The following SLC9A4 variants were observed in gnomAD, a reference collection of about 807,000 sequenced individuals.
SLC9A4 encodes sodium/hydrogen exchanger 4.
Under a neutral mutation model 67.4 loss-of-function variants are expected in SLC9A4, and 63 were observed. The observed-to-expected ratio is 0.93, with a 90% CI of 0.76 to 1.15. SLC9A4 has a LOEUF of 1.15. Among genes scored for constraint, SLC9A4 ranks in the 50% most tolerant of loss-of-function variants. SLC9A4 has a pLI of 0.00. For synonymous variants in SLC9A4, 393 were observed against 367.2 expected, an observed-to-expected ratio of 1.07 and a Z score of -0.80; for missense variants, 1,089 against 987.7, an observed-to-expected ratio of 1.10 and a Z score of -1.38.
chr2:102,496,374 G>A (rs1199954927), intron 2 of SLC9A4, among the ~76,000 whole-genome samples: 1 of 152,184 alleles, frequency 6.6e-6, no homozygotes, highest in African/African-American at 2.4e-5. Context: ...ATCAAGTGCT[G>A]ACAAGGATAT....
intron 1 of SLC9A4, among the ~76,000 whole-genome samples, chr2:102,478,128 C>T (rs1684371611): frequency 6.6e-6 from 1 of 152,154 alleles, no homozygotes; most frequent in African/African-American, 2.4e-5. Context: ...GTAGAAAAAT[C>T]ATCTGGCAGT....
chr2:102,483,176 T>C (rs1334605194), intron 2 of SLC9A4, among the ~76,000 whole-genome samples: 2 of 152,198 alleles, frequency 1.3e-5, no homozygotes, highest in African/African-American at 4.8e-5. Flanking sequence ...TGCTGTTGCG[T>C]TGGCTCCGTG....
intron 9 of SLC9A4, among the ~76,000 whole-genome samples, chr2:102,523,678 G>A (rs1674596884): frequency 6.6e-6 from 1 of 152,196 alleles, no homozygotes; most frequent in Non-Finnish European, 1.5e-5. Flanking sequence ...CTCCTTGGCA[G>A]GCTGCCTGTG....
At chr2:102,500,418 C>A (rs185419306) in intron 2 of SLC9A4, among the ~76,000 whole-genome samples, 1 of 152,290 alleles carries the variant, frequency 6.6e-6, no homozygotes, top group Admixed American at 6.5e-5. Flanking sequence ...GCTTGTGGTA[C>A]TTTGTCACAG....
intron 2 of SLC9A4, among the ~76,000 whole-genome samples, chr2:102,497,906 T>A (rs1342268488): frequency 1.3e-5 from 2 of 152,226 alleles, no homozygotes; most frequent in Non-Finnish European, 2.9e-5. Flanking sequence ...AGGACTAATG[T>A]TTTTAGTCAT....
At chr2:102,526,410 T>A in intron 11 of SLC9A4, 64 bp downstream of exon 11, 1 of 1,505,746 alleles carries the variant, frequency 6.6e-7, no homozygotes, top group Non-Finnish European at 9.2e-7. Flanking sequence ...TATCTGGGGG[T>A]GTGGGCCAAG....
chr2:102,483,837 T>TAC (rs1361861820), intron 2 of SLC9A4, among the ~76,000 whole-genome samples: 3,972 of 120,620 alleles, frequency 0.033, 52 homozygotes, highest in Non-Finnish European at 0.043. Flanking sequence ...TATATATATA[T>TAC]ATATACACAC....
At chr2:102,495,751 C>T (rs1684794259) in intron 2 of SLC9A4, among the ~76,000 whole-genome samples, 1 of 151,980 alleles carries the variant, frequency 6.6e-6, no homozygotes, top group African/African-American at 2.4e-5. Context: ...AGAACTAAGG[C>T]AATTCAATGG....
intron 2 of SLC9A4, among the ~76,000 whole-genome samples, chr2:102,479,851 T>C (rs917661510): frequency 2.6e-5 from 4 of 152,110 alleles, no homozygotes; most frequent in East Asian, 1.9e-4. Flanking sequence ...GAATGAGGCG[T>C]TTTTGCTTAT....
intron 2 of SLC9A4, among the ~76,000 whole-genome samples, chr2:102,499,606 T>C (rs1684881642): frequency 2.0e-5 from 3 of 152,192 alleles, no homozygotes; most frequent in Non-Finnish European, 2.9e-5. Flanking sequence ...CTGTATGTTG[T>C]GTGTGTACTT....
At chr2:102,489,155 T>A (rs771521882) in intron 2 of SLC9A4, among the ~76,000 whole-genome samples, 1 of 152,204 alleles carries the variant, frequency 6.6e-6, no homozygotes, top group Non-Finnish European at 1.5e-5. Context: ...GCAGGTGAAC[T>A]GACACTAGAT....
intron 6 of SLC9A4, among the ~76,000 whole-genome samples, chr2:102,510,383 CA>C (rs1304943138): frequency 1.3e-5 from 2 of 152,094 alleles, no homozygotes; most frequent in African/African-American, 4.8e-5. Context: ...ATCCAGGGGA[CA>C]GGCCATCCAG....
chr2:102,528,070 C>T (rs769061593), intron 11 of SLC9A4, among the ~76,000 whole-genome samples: 34 of 152,070 alleles, frequency 2.2e-4, no homozygotes, highest in African/African-American at 6.0e-4. Context: ...TGCAGTGGAG[C>T]GATCTTGGCT....
At chr2:102,503,311 G>A in intron 2 of SLC9A4, 137 bp from the exon 3 acceptor site, 1 of 802,134 alleles carries the variant, frequency 1.2e-6, no homozygotes, top group Admixed American at 3.0e-5. Context: ...CAGTTAAAAG[G>A]CAGTCATCTT....
intron 9 of SLC9A4, among the ~76,000 whole-genome samples, chr2:102,521,564 AC>A (rs1225045548): frequency 6.6e-6 from 1 of 152,060 alleles, no homozygotes; most frequent in African/African-American, 2.4e-5. Flanking sequence ...CACCAGTCCT[AC>A]CCCTTCCCGT....
At chr2:102,510,282 TATAG>T (rs1266768463) in intron 6 of SLC9A4, among the ~76,000 whole-genome samples, 2 of 151,906 alleles carry the variant, frequency 1.3e-5, no homozygotes, top group Non-Finnish European at 2.9e-5. Context: ...CAGATATAGA[TATAG>T]ATATAGATAT....
At chr2:102,485,669 G>T (rs970102509) in intron 2 of SLC9A4, among the ~76,000 whole-genome samples, 7 of 152,214 alleles carry the variant, frequency 4.6e-5, no homozygotes, top group Admixed American at 1.3e-4. Context: ...GCAGCAGGAA[G>T]AGTGAATAAT....
At chr2:102,488,885 C>T (rs555177973) in intron 2 of SLC9A4, among the ~76,000 whole-genome samples, 3 of 152,266 alleles carry the variant, frequency 2.0e-5, no homozygotes, top group Admixed American at 6.5e-5. Context: ...TAAGTTCAGT[C>T]GTGTCTGGTG....
chr2:102,479,785 G>C (rs1309692728), intron 2 of SLC9A4, among the ~76,000 whole-genome samples: 1 of 152,186 alleles, frequency 6.6e-6, no homozygotes, highest in Non-Finnish European at 1.5e-5. Flanking sequence ...CAACAGATTT[G>C]TGAAAATGTG....
Sources: allele counts gnomAD v4.1 joint callset (sites outside exome capture counted in the v4.1 genomes callset), GRCh38; gene constraint gnomAD v4.1.1; transcripts MANE v1.5; gene names NCBI Gene and HGNC (gene_info 2026-07-23, HGNC 2026-07-21).